Variants in SCRG1 observed in about 807,000 individuals in gnomAD.
SCRG1 encodes the protein stimulator of chondrogenesis 1.
A neutral mutation model predicts 7.7 loss-of-function variants in SCRG1; 3 were observed. The observed-to-expected ratio is 0.39, with a 90% CI of 0.18 to 1.01. The LOEUF (loss-of-function observed/expected upper bound fraction) is 1.01, where lower values mean the gene tolerates loss of function less well. Ranked by LOEUF, SCRG1 falls within the 50% of genes least tolerant of loss-of-function variation. The pLI is 0.36. For synonymous variants in SCRG1, 46 were observed against 41.2 expected, an observed-to-expected ratio of 1.12 and a Z score of -0.44; for missense variants, 110 against 117.2, an observed-to-expected ratio of 0.94 and a Z score of 0.28.
intron 1 of SCRG1, among the ~76,000 whole-genome samples, chr4:173,405,616 G>T (rs1739881063): frequency 6.6e-6 from 1 of 152,154 alleles, no homozygotes. Context: ...GTATTAGGAT[G>T]AACTCATGTA....
At chr4:173,455,078 A>C in the SCRG1 span, among the ~76,000 whole-genome samples, 1 of 152,028 alleles carries the variant, frequency 6.6e-6, no homozygotes, top group Non-Finnish European at 1.5e-5. Context: ...TGACACCTTA[A>C]ATGTTCCCCA....
At chr4:173,482,368 G>T in the SCRG1 span, among the ~76,000 whole-genome samples, 1 of 152,146 alleles carries the variant, frequency 6.6e-6, no homozygotes, top group Non-Finnish European at 1.5e-5. Flanking sequence ...CATATGTCAT[G>T]TGTACTAGTG....
the SCRG1 span, among the ~76,000 whole-genome samples, chr4:173,422,170 C>A: frequency 6.6e-6 from 1 of 152,150 alleles, no homozygotes; most frequent in Non-Finnish European, 1.5e-5. Context: ...ATGTTCAAGG[C>A]AAAGTAAGTG....
the SCRG1 span, among the ~76,000 whole-genome samples, chr4:173,435,810 G>A: frequency 0.011 from 1,748 of 152,184 alleles, 28 homozygotes; most frequent in African/African-American, 0.039. Flanking sequence ...CTGTCTTGTC[G>A]CCATGCCTCT....
In SCRG1 at chr4:173,388,082, C is replaced by T. The variant is rs1739292202; in HGVS notation, c.*259G>A. ...TCATCTGGGGGACAGAACTCTTTAA[C>T]TGAGTATAATGAACACCTCATAGAT... On this transcript the variant is annotated 3_prime_UTR_variant, in exon 3 of 3. Coordinates refer to ENST00000296506, the MANE Select transcript of SCRG1 (RefSeq NM_007281.4). The T allele has an allele frequency of 5.6e-6, 2 of 360,038 alleles. No homozygotes were observed. The highest frequency in any genetic ancestry group is 4.2e-5 in the African/African-American group (2 of 47,536). The allele number at this position is 360,038 out of a possible 1,614,324, so 22.3% of individuals were successfully genotyped here. A position where few individuals can be genotyped will look rare whatever the true frequency, so the allele number is the denominator to read the frequency against.
At chr4:173,447,304 C>G in the SCRG1 span, among the ~76,000 whole-genome samples, 1 of 152,176 alleles carries the variant, frequency 6.6e-6, no homozygotes, top group African/African-American at 2.4e-5. Flanking sequence ...GAGCGTTCCA[C>G]CTCATATCCT....
the SCRG1 span, among the ~76,000 whole-genome samples, chr4:173,434,274 A>G: frequency 4.6e-5 from 7 of 152,234 alleles, no homozygotes; most frequent in African/African-American, 1.7e-4. Flanking sequence ...TTGAGATAAT[A>G]GGATATGATC....
the SCRG1 span, among the ~76,000 whole-genome samples, chr4:173,502,046 C>G: frequency 6.6e-6 from 1 of 152,076 alleles, no homozygotes; most frequent in Non-Finnish European, 1.5e-5. The surrounding 1 kb of genome is among the most constrained non-coding windows in gnomAD (Gnocchi z 4.6). Context: ...GGGAGGGCGC[C>G]CATTAAAATT....
chr4:173,448,784 A>C, the SCRG1 span, among the ~76,000 whole-genome samples: 12 of 152,292 alleles, frequency 7.9e-5, no homozygotes, highest in South Asian at 2.1e-4. Context: ...ATCTTTTTAA[A>C]TATGCACAGC....
the SCRG1 span, among the ~76,000 whole-genome samples, chr4:173,477,135 C>A: frequency 6.6e-6 from 1 of 152,140 alleles, no homozygotes; most frequent in African/African-American, 2.4e-5. Context: ...AAGCTTGGCT[C>A]TTCCAGCCAA....
the SCRG1 span, among the ~76,000 whole-genome samples, chr4:173,433,302 TC>T: frequency 6.6e-6 from 1 of 152,340 alleles, no homozygotes; most frequent in African/African-American, 2.4e-5. Context: ...ACTTCTCTGA[TC>T]CTTTAATATA....
chr4:173,464,799 A>G, the SCRG1 span, among the ~76,000 whole-genome samples: 12 of 152,226 alleles, frequency 7.9e-5, no homozygotes, highest in African/African-American at 2.7e-4. Context: ...ATCCATGTTC[A>G]TCGCAGCATC....
Position 173,391,426 on chromosome 4 carries a change from G to C in SCRG1, c.-12C>G. On this transcript the variant is annotated splice_region_variant and 5_prime_UTR_variant, in exon 2 of 3. Coordinates refer to ENST00000296506, the MANE Select transcript of SCRG1 (RefSeq NM_007281.4). Reference sequence around the variant, plus strand: ...ACCATCAGTTTCATTTTGGCTTTTGGCCCTGAAATAGAAGAAAGACCAAAA... The same window carrying C: ...ACCATCAGTTTCATTTTGGCTTTTGCCCCTGAAATAGAAGAAAGACCAAAA... 1 of 1,613,644 alleles carries C rather than the reference G, an allele frequency of 6.2e-7. No individual in the cohort carries two copies.
At chr4:173,420,599 C>T in the SCRG1 span, among the ~76,000 whole-genome samples, 167 of 150,786 alleles carry the variant, frequency 1.1e-3, no homozygotes, top group African/African-American at 3.8e-3. Context: ...GATTACCGCA[C>T]AAACAATTTG....
At chr4:173,413,935 A>G in the SCRG1 span, among the ~76,000 whole-genome samples, 2 of 152,238 alleles carry the variant, frequency 1.3e-5, no homozygotes, top group African/African-American at 4.8e-5. Context: ...CTTGTTCACA[A>G]GCAACAACCT....
chr4:173,459,132 T>C, the SCRG1 span, among the ~76,000 whole-genome samples: 2,976 of 152,324 alleles, frequency 0.02, 41 homozygotes, highest in Non-Finnish European at 0.03. Context: ...TATTGTTAGA[T>C]CTAAAGGGAG....
At chr4:173,461,392 G>C in the SCRG1 span, among the ~76,000 whole-genome samples, 1 of 152,256 alleles carries the variant, frequency 6.6e-6, no homozygotes, top group Non-Finnish European at 1.5e-5. Context: ...TTGGGAGTAA[G>C]TAAGGGGAAA....
chr4:173,482,945 TATA>T, the SCRG1 span, among the ~76,000 whole-genome samples: 1 of 136,048 alleles, frequency 7.4e-6, no homozygotes, highest in South Asian at 2.2e-4. Flanking sequence ...ATATGAAATA[TATA>T]ATATATTGTA....
the SCRG1 span, among the ~76,000 whole-genome samples, chr4:173,454,169 G>A: frequency 6.6e-6 from 1 of 152,018 alleles, no homozygotes; most frequent in African/African-American, 2.4e-5. Flanking sequence ...CAGGGAAGGT[G>A]GAGATCGCTT....
Sources: allele counts gnomAD v4.1 joint callset (sites outside exome capture counted in the v4.1 genomes callset), GRCh38; gene constraint gnomAD v4.1.1; non-coding constraint Gnocchi (gnomAD v3.1); transcripts MANE v1.5; gene names NCBI Gene and HGNC (gene_info 2026-07-23, HGNC 2026-07-21).